Variants in TBC1D32 observed in about 807,000 individuals in gnomAD.
The protein encoded by TBC1D32 is protein broad-minded.
Under a neutral mutation model 170.3 loss-of-function variants are expected in TBC1D32, and 151 were observed. The observed-to-expected ratio is 0.89, with a 90% CI of 0.78 to 1.01. The LOEUF is 1.01. TBC1D32 is among the 50% of genes least tolerant of loss of function. The pLI, the probability that TBC1D32 is intolerant of heterozygous loss-of-function variation, is 0.00. For synonymous variants in TBC1D32, 498 were observed against 488.0 expected, an observed-to-expected ratio of 1.02 and a Z score of -0.27; for missense variants, 1,464 against 1,457.1, an observed-to-expected ratio of 1.00 and a Z score of -0.08.
At chr6:121,157,694 G>A (rs1313121889) in intron 24 of TBC1D32, among the ~76,000 whole-genome samples, 1 of 152,058 alleles carries the variant, frequency 6.6e-6, no homozygotes, top group Non-Finnish European at 1.5e-5. Flanking sequence ...TGTAAGGCTG[G>A]TCTGGTAGTA....
chr6:121,317,639 A>G lies in TBC1D32; in HGVS notation c.351T>C (p.Ile117=). The G allele has an allele frequency of 6.2e-7, 1 of 1,610,510 alleles. No individual in the cohort carries two copies. The highest frequency in any genetic ancestry group is 1.1e-5 in the South Asian group (1 of 90,546). The change falls in exon 3 of 32, where the codon ATT becomes ATC. Residue 117 remains isoleucine (I), a synonymous_variant. Coordinates refer to ENST00000398212, the MANE Select transcript of TBC1D32 (RefSeq NM_152730.6). ...TCATAGACTCGACCACAGCTATCAT[A>G]ATGTTCTTCAGGTAATGCATCATTT... ...YKEMMHYLKN[I]MIAVVESMIN...
chr6:121,147,521 A>T (rs1604278), intron 24 of TBC1D32, among the ~76,000 whole-genome samples: 104,686 of 152,154 alleles, frequency 0.69, 41,205 homozygotes, highest in Non-Finnish European at 0.87. Flanking sequence ...CTGACTGGTG[A>T]GAGATGGTAT....
intron 31 of TBC1D32, among the ~76,000 whole-genome samples, chr6:121,087,368 G>A (rs1776363121): frequency 6.6e-6 from 1 of 152,134 alleles, no homozygotes; most frequent in Non-Finnish European, 1.5e-5. Context: ...GAGCTCTTTA[G>A]TGACCTATTA....
At chr6:121,162,077 A>C (rs886853875) in intron 22 of TBC1D32, among the ~76,000 whole-genome samples, 1 of 151,906 alleles carries the variant, frequency 6.6e-6, no homozygotes, top group Non-Finnish European at 1.5e-5. Flanking sequence ...TACATGCTGG[A>C]TATTAGGTGT....
Position 121,079,555 on chromosome 6 carries a change from A to G in TBC1D32, c.*1216T>C, listed in dbSNP as rs1775451467. ...TAGATACAAGGAAAGAATAAAAAAC[A>G]GTATCTACAATTAGAAAAACTTATT... On this transcript the variant is annotated 3_prime_UTR_variant, in exon 32 of 32. Coordinates refer to ENST00000398212, the MANE Select transcript of TBC1D32 (RefSeq NM_152730.6). 6.6e-6 allele frequency: 1 copy of G among 152,178 alleles called. No individual in the cohort carries two copies. Among genetic ancestry groups the G allele is most frequent in the Non-Finnish European group, 1.5e-5 (1 of 68,004 alleles). 9.4% of individuals were successfully genotyped at this position (152,178 alleles called of 1,614,324 possible).
chr6:121,327,082 T>C (rs1009457565), intron 1 of TBC1D32, among the ~76,000 whole-genome samples: 8 of 152,044 alleles, frequency 5.3e-5, no homozygotes, highest in Non-Finnish European at 8.8e-5. Context: ...ATAGAAAATA[T>C]TGTTGCAACG....
At chr6:121,103,282 C>T (rs1483324319) in intron 30 of TBC1D32, among the ~76,000 whole-genome samples, 1 of 151,974 alleles carries the variant, frequency 6.6e-6, no homozygotes, top group East Asian at 1.9e-4. Flanking sequence ...GACACATGCA[C>T]ACGTATGTTT....
At chr6:121,323,439 A>C (rs1194075246) in intron 1 of TBC1D32, among the ~76,000 whole-genome samples, 2 of 152,182 alleles carry the variant, frequency 1.3e-5, no homozygotes, top group Non-Finnish European at 2.9e-5. Flanking sequence ...ACCTCATACC[A>C]TGTCATGCAT....
Position 121,317,671 on chromosome 6 carries a change from A to G in TBC1D32, c.319T>C (p.Tyr107His). 4 of 1,588,938 alleles carry G rather than the reference A, an allele frequency of 2.5e-6. No individual in the cohort carries two copies. The highest frequency in any genetic ancestry group is 2.7e-5 in the African/African-American group (2 of 73,812). ...VTKRTQESKEYKEMMHYLKNI... is the reference protein window; with the variant it reads ...VTKRTQESKEHKEMMHYLKNI... ...TTCAGGTAATGCATCATTTCTTTGT[A>G]CCTTTAAATTCAAGGTAGTCTTAAT... The change falls in exon 3 of 32, where the codon TAC becomes CAC. Residue 107 changes from tyrosine to histidine, a missense_variant and splice_region_variant. Coordinates refer to ENST00000398212, the MANE Select transcript of TBC1D32 (RefSeq NM_152730.6).
intron 22 of TBC1D32, among the ~76,000 whole-genome samples, chr6:121,172,127 C>T (rs1054606972): frequency 1.3e-5 from 2 of 152,062 alleles, no homozygotes; most frequent in Non-Finnish European, 2.9e-5. Context: ...TTGAATGCCA[C>T]CACGTAAGAT....
intron 12 of TBC1D32, among the ~76,000 whole-genome samples, chr6:121,289,058 G>A (rs1000529550): frequency 4.6e-5 from 7 of 152,092 alleles, no homozygotes; most frequent in African/African-American, 1.2e-4. Flanking sequence ...TACTGAATGG[G>A]CAAAAACTGG....
intron 24 of TBC1D32, among the ~76,000 whole-genome samples, chr6:121,156,929 T>C (rs1784967895): frequency 6.6e-6 from 1 of 152,132 alleles, no homozygotes; most frequent in Non-Finnish European, 1.5e-5. Context: ...TGGCCAAGCA[T>C]ATGGTCAATC....
chr6:121,272,105 T>C (rs960030614), intron 15 of TBC1D32, among the ~76,000 whole-genome samples: 1 of 152,074 alleles, frequency 6.6e-6, no homozygotes, highest in African/African-American at 2.4e-5. Flanking sequence ...CAAAAATTAA[T>C]TCAAGATGGA....
intron 2 of TBC1D32, among the ~76,000 whole-genome samples, chr6:121,320,789 A>G (rs1809596540): frequency 6.6e-6 from 1 of 152,196 alleles, no homozygotes; most frequent in South Asian, 2.1e-4. Context: ...TTAAAAGTAA[A>G]TTAGATTTAA....
intron 22 of TBC1D32, among the ~76,000 whole-genome samples, chr6:121,169,567 C>G (rs2651528): frequency 1.3e-5 from 2 of 152,142 alleles, no homozygotes; most frequent in South Asian, 2.1e-4. Context: ...AATTAGGACA[C>G]GCATTATTTC....
At chr6:121,283,433 A>G (rs2128448512) in intron 13 of TBC1D32, among the ~76,000 whole-genome samples, 1 of 151,980 alleles carries the variant, frequency 6.6e-6, no homozygotes, top group African/African-American at 2.4e-5. Flanking sequence ...GATGTAAGCC[A>G]AAACAAGTGA....
At chr6:121,191,036 T>G (rs921863057) in intron 22 of TBC1D32, among the ~76,000 whole-genome samples, 10 of 19,056 alleles carry the variant, frequency 5.2e-4, no homozygotes, top group Non-Finnish European at 9.6e-4. Context: ...ATACAATGTG[T>G]GTATGCATAT....
At chr6:121,139,189 A>AT (rs2128223911) in intron 24 of TBC1D32, among the ~76,000 whole-genome samples, 1 of 152,210 alleles carries the variant, frequency 6.6e-6, no homozygotes, top group South Asian at 2.1e-4. Context: ...TGCCTAGGGG[A>AT]TTCTATTTTT....
intron 31 of TBC1D32, among the ~76,000 whole-genome samples, chr6:121,081,661 C>A (rs889292723): frequency 6.6e-6 from 1 of 151,484 alleles, no homozygotes; most frequent in East Asian, 1.9e-4. Flanking sequence ...AAAAAGCAAC[C>A]CAAAAGAATA....
Sources: gnomAD v4.1 joint callset for allele counts (sites outside exome capture counted in the v4.1 genomes callset) on GRCh38, gnomAD v4.1.1 for gene constraint, MANE v1.5 for transcripts, NCBI Gene and HGNC (gene_info 2026-07-23, HGNC 2026-07-21) for gene names.